Variants in DNAAF1 observed in about 807,000 individuals in gnomAD.
DNAAF1 encodes dynein assembly factor 1, axonemal.
Under a neutral mutation model 71.1 loss-of-function variants are expected in DNAAF1, and 65 were observed. That is an observed-to-expected ratio of 0.91 (90% confidence interval 0.75 to 1.12). DNAAF1 has a LOEUF of 1.12. DNAAF1 is among the 50% of genes most tolerant of loss of function. DNAAF1 has a pLI of 0.00. For synonymous variants in DNAAF1, 414 were observed against 354.6 expected, an observed-to-expected ratio of 1.17 and a Z score of -1.88; for missense variants, 1,178 against 899.8, an observed-to-expected ratio of 1.31 and a Z score of -3.96.
chr16:84,177,659 C>T (rs1233969263), intron 11 of DNAAF1, 70 bp from the exon 12 acceptor site: 2 of 1,397,246 alleles, frequency 1.4e-6, no homozygotes, highest in East Asian at 2.3e-5. Flanking sequence ...GGACTGAACC[C>T]CAAGGCTGCC....
At chr16:84,163,485 A>G (rs149614106) in intron 6 of DNAAF1, among the ~76,000 whole-genome samples, 4,888 of 151,570 alleles carry the variant, frequency 0.032, 124 homozygotes, top group Non-Finnish European at 0.047. Context: ...GGTTCAAGCA[A>G]TTCTCCTGCC....
chr16:84,165,852 C>G lies in DNAAF1; in HGVS notation c.933C>G (p.Ser311Arg), dbSNP rs758482217. ...AEKEERQQWE[S>R]RERKKITDSI... is the part of the protein sequence containing the mutation. ...AGGAGGAGAGACAGCAGTGGGAGAGCAGGGAGCGGAAGAAGATCACAGACA... is the reference window on the plus strand; with the variant it reads ...AGGAGGAGAGACAGCAGTGGGAGAGGAGGGAGCGGAAGAAGATCACAGACA... The change falls in exon 7 of 12, where the codon AGC becomes AGG. Residue 311 changes from serine (S) to arginine (R), a missense_variant. Physicochemically the swap from Ser to Arg is moderately radical, Grantham distance 110 (BLOSUM62 -1). Transcript: ENST00000378553. The G allele has an allele frequency of 8.7e-6, 14 of 1,613,280 alleles. No individual in the cohort carries two copies. The highest frequency in any genetic ancestry group is 2.2e-5 in the South Asian group (2 of 91,054).
At position 84,159,915 on chromosome 16, in the gene DNAAF1, A is replaced by G. The variant is rs557738016; in HGVS notation, c.863+119A>G. 4.4e-5 allele frequency: 54 copies of G among 1,231,682 alleles called. No individual in the cohort carries two copies. The African/African-American group carries it at 6.2e-4, about 14-fold the overall frequency. The allele number at this position is 1,231,682 out of a possible 1,614,324, so 76.3% of individuals were successfully genotyped here. ...TTCACATATCAAAAATGTTCTTTGG[A>G]AATAGGCTTGATGGCTACATAATTG... is the stretch of plus-strand genomic sequence containing the variant. On this transcript the variant is annotated intron_variant, in intron 6 of 11. Coordinates refer to ENST00000378553, the MANE Select transcript of DNAAF1 (RefSeq NM_178452.6).
chr16:84,148,982 A>G (rs1408245846), intron 1 of DNAAF1, 25 bp from the exon 2 acceptor site: 8 of 1,613,748 alleles, frequency 5.0e-6, no homozygotes, highest in East Asian at 2.2e-5. Context: ...TGATCTCTAC[A>G]GACCTGATCT....
chr16:84,161,585 C>G (rs2087718222), intron 6 of DNAAF1, among the ~76,000 whole-genome samples: 1 of 151,858 alleles, frequency 6.6e-6, no homozygotes, highest in African/African-American at 2.4e-5. Flanking sequence ...AGGCCAGTCT[C>G]AAATTTCTGG....
chr16:84,154,813 C>G lies in DNAAF1; in HGVS notation c.574+15C>G. On this transcript the variant is annotated intron_variant, in intron 4 of 11. Transcript: ENST00000378553. ...TGAAAACCTCTGTAAGGGTACCCAGCAAGCAGTGTGTCTGTTTGCCATATG... is the reference window on the plus strand; with the variant it reads ...TGAAAACCTCTGTAAGGGTACCCAGGAAGCAGTGTGTCTGTTTGCCATATG... 1 of 1,596,978 alleles carries G rather than the reference C, an allele frequency of 6.3e-7. No homozygotes were observed. The highest frequency in any genetic ancestry group is 1.7e-5 in the Admixed American group (1 of 60,002).
At chr16:84,156,713 A>C (rs964117516) in intron 5 of DNAAF1, among the ~76,000 whole-genome samples, 2 of 152,168 alleles carry the variant, frequency 1.3e-5, no homozygotes, top group African/African-American at 4.8e-5. Flanking sequence ...ATGCTTCTAC[A>C]CTTCTACAAA....
Position 84,159,659 on chromosome 16 carries a change from G to C in DNAAF1, c.742-16G>C, listed in dbSNP as rs770279850. 1.2e-6 allele frequency: 2 copies of C among 1,603,956 alleles called. No homozygotes were observed. Among genetic ancestry groups the C allele is most frequent in the South Asian group, 2.2e-5 (2 of 89,766 alleles). ...ATCTTTCAGTAATCATTTTGGTTCT[G>C]CTTGTCTTCTTGCAGCGTGTACTGA... On this transcript the variant is annotated splice_polypyrimidine_tract_variant and intron_variant, in intron 5 of 11. Transcript: ENST00000378553.
chr16:84,150,345 A>G lies in DNAAF1; in HGVS notation c.352+3A>G, dbSNP rs2087125793. 2 of 1,602,760 alleles carry G rather than the reference A, an allele frequency of 1.2e-6. No homozygotes were observed. The highest frequency in any genetic ancestry group is 1.7e-6 in the Non-Finnish European group (2 of 1,169,638). On this transcript the variant is annotated splice_donor_region_variant and intron_variant, in intron 3 of 11. Transcript: ENST00000378553. ...TACGCTGTATTTACACTTTAAAGGT[A>G]AGGACCTAAGAGAGGAAGTGCTTCA...
At chr16:84,169,714 C>T in intron 7 of DNAAF1, 145 bp from the exon 8 acceptor site, 1 of 1,201,542 alleles carries the variant, frequency 8.3e-7, no homozygotes, top group Non-Finnish European at 1.2e-6. Context: ...AGCCACCGCG[C>T]CCAGCCCCTT....
chr16:84,158,012 C>T (rs907625664), intron 5 of DNAAF1, among the ~76,000 whole-genome samples: 3 of 152,126 alleles, frequency 2.0e-5, no homozygotes, highest in African/African-American at 7.2e-5. Context: ...TCGAGACCTT[C>T]CTGGCTAACA....
At position 84,145,713 on chromosome 16, in the gene DNAAF1, T is replaced by A. The variant is rs375069129; in HGVS notation, c.124+149T>A. The A allele has an allele frequency of 5.9e-5, 65 of 1,096,216 alleles. 3 individuals carry two copies. In the South Asian group the frequency reaches 9.9e-4, roughly 17 times the overall value. The allele number at this position is 1,096,216 out of a possible 1,614,324, so 67.9% of individuals were successfully genotyped here. ...CAAGCAACGCTCTGCAGTAGGGGCT[T>A]CTCTCGCCATTTCGTACTGAGGAGG... On this transcript the variant is annotated intron_variant, in intron 1 of 11. Coordinates refer to ENST00000378553, the MANE Select transcript of DNAAF1 (RefSeq NM_178452.6).
At chr16:84,163,400 A>G (rs1308529267) in intron 6 of DNAAF1, among the ~76,000 whole-genome samples, 1 of 133,928 alleles carries the variant, frequency 7.5e-6, no homozygotes, top group Non-Finnish European at 1.6e-5. Flanking sequence ...TTTTTTTTTA[A>G]GATGGAGTCT....
rs1224295628 is a variant in DNAAF1 at position 84,172,278 on chromosome 16, T to G, written c.1547T>G (p.Val516Gly). The change falls in exon 9 of 12, where the codon GTG becomes GGG. Residue 516 changes from valine to glycine, a missense_variant. Transcript: ENST00000378553. Reference sequence around the variant, plus strand: ...TCTTTAGAACCGACTCCCCAGGCTGTGGCCACTGAGGGTGTATTCGTTACA... The same window carrying G: ...TCTTTAGAACCGACTCCCCAGGCTGGGGCCACTGAGGGTGTATTCGTTACA... ...AAREEPTPQA[V>G]ATEGVFVTEL... The G allele has an allele frequency of 1.2e-6, 2 of 1,614,178 alleles. No homozygotes were observed. Among genetic ancestry groups the G allele is most frequent in the Non-Finnish European group, 8.5e-7 (1 of 1,180,022 alleles).
chr16:84,173,337 A>AGGTG (rs2088470025), intron 9 of DNAAF1: 1 of 600,644 alleles, frequency 1.7e-6, no homozygotes, highest in Non-Finnish European at 2.1e-6. Flanking sequence ...GGTGATGGGC[A>AGGTG]CCTGTAGTCC....
intron 9 of DNAAF1, chr16:84,173,227 G>T: frequency 1.0e-6 from 1 of 960,818 alleles, no homozygotes; most frequent in Non-Finnish European, 1.2e-6. Flanking sequence ...ACTTTGGGAG[G>T]CCGAGGTGGC....
At chr16:84,155,099 G>T (rs184640652) in intron 4 of DNAAF1, among the ~76,000 whole-genome samples, 1 of 152,076 alleles carries the variant, frequency 6.6e-6, no homozygotes, top group East Asian at 1.9e-4. Context: ...TAGTAGAGAC[G>T]GGGTTTCACC....
intron 3 of DNAAF1, among the ~76,000 whole-genome samples, chr16:84,153,422 A>C: frequency 6.6e-6 from 1 of 152,200 alleles, no homozygotes; most frequent in African/African-American, 2.4e-5. Context: ...AAAATAACCA[A>C]AATTTTTGTG....
At chr16:84,164,345 C>T (rs926546265) in intron 6 of DNAAF1, among the ~76,000 whole-genome samples, 3 of 152,164 alleles carry the variant, frequency 2.0e-5, no homozygotes, top group Admixed American at 6.5e-5. Flanking sequence ...GGTATCATGT[C>T]CTGTATCCCC....
Sources: gnomAD v4.1 joint callset for allele counts (sites outside exome capture counted in the v4.1 genomes callset) on GRCh38, gnomAD v4.1.1 for gene constraint, MANE v1.5 for transcripts, NCBI Gene and HGNC (gene_info 2026-07-23, HGNC 2026-07-21) for gene names.